The following LAMC2 variants were observed in gnomAD, a reference collection of about 807,000 sequenced individuals.
LAMC2 encodes the protein laminin subunit gamma 2, also known as laminin subunit gamma-2.
LAMC2 carries 97 observed loss-of-function variants against 140.2 expected under a neutral mutation model. The observed-to-expected ratio is 0.69, with a 90% CI of 0.59 to 0.82. The LOEUF (loss-of-function observed/expected upper bound fraction) is 0.82, where lower values mean the gene tolerates loss of function less well. Ranked by LOEUF, LAMC2 falls within the 40% of genes least tolerant of loss-of-function variation. The probability of loss-of-function intolerance (pLI) is 0.00; values close to 1 mark genes in which losing one functional copy is unlikely to be tolerated. For synonymous variants in LAMC2, 513 were observed against 540.2 expected, an observed-to-expected ratio of 0.95 and a Z score of 0.70; for missense variants, 1,402 against 1,476.1, an observed-to-expected ratio of 0.95 and a Z score of 0.82.
intron 1 of LAMC2, among the ~76,000 whole-genome samples, chr1:183,207,065 A>G (rs962485602): frequency 1.3e-5 from 2 of 152,238 alleles, no homozygotes; most frequent in Non-Finnish European, 2.9e-5. Flanking sequence ...AAGAAAAAAC[A>G]AGATTCAGAA....
intron 2 of LAMC2, among the ~76,000 whole-genome samples, chr1:183,212,774 C>T (rs1388949388): frequency 1.3e-5 from 2 of 152,186 alleles, no homozygotes; most frequent in African/African-American, 4.8e-5. Context: ...GATAATTCAA[C>T]CTGAGGTCTT....
At chr1:183,207,502 A>T (rs1658924955) in intron 1 of LAMC2, among the ~76,000 whole-genome samples, 1 of 152,168 alleles carries the variant, frequency 6.6e-6, no homozygotes, top group South Asian at 2.1e-4. Flanking sequence ...GTGAGCCCAC[A>T]CACTTGCTCT....
chr1:183,239,324 C>T (rs746053262), intron 19 of LAMC2, 40 bp from the exon 20 acceptor site: 98 of 1,586,640 alleles, frequency 6.2e-5, no homozygotes, highest in Non-Finnish European at 8.3e-5. Flanking sequence ...TGTAAATTTG[C>T]TTTCATCTTC....
At chr1:183,194,487 G>A (rs756899780) in intron 1 of LAMC2, among the ~76,000 whole-genome samples, 9 of 152,058 alleles carry the variant, frequency 5.9e-5, no homozygotes, top group Non-Finnish European at 1.3e-4. Context: ...CACAAAAGCA[G>A]TAAGGATTTA....
At position 183,235,657 on chromosome 1, in the gene LAMC2, A is replaced by G; in HGVS notation, c.2383A>G (p.Lys795Glu). The stretch of plus-strand genomic sequence containing the variant: ...CAAACAAGCCCTCTCACTGGTGCGC[A>G]AGGCCCTGCATGAAGGAGTCGGAAG... ...YSKQALSLVR[K>E]ALHEGVGSGS... The change falls in exon 16 of 23, where the codon AAG becomes GAG. Residue 795 changes from lysine (K) to glutamate (E), a missense_variant. Coordinates refer to ENST00000264144, the MANE Select transcript of LAMC2 (RefSeq NM_005562.3). The G allele has an allele frequency of 6.2e-7, 1 of 1,614,238 alleles. No homozygotes were observed. The highest frequency in any genetic ancestry group is 2.2e-5 in the East Asian group (1 of 44,888).
intron 1 of LAMC2, among the ~76,000 whole-genome samples, chr1:183,203,810 C>T (rs2102188427): frequency 6.6e-6 from 1 of 152,244 alleles, no homozygotes; most frequent in Middle Eastern, 3.4e-3. Flanking sequence ...ATTCCCCAGA[C>T]ATGAGGCCCA....
intron 7 of LAMC2, 109 bp from the exon 8 acceptor site, chr1:183,225,499 C>A: frequency 3.8e-6 from 3 of 799,292 alleles, no homozygotes; most frequent in Non-Finnish European, 6.6e-6. Context: ...CCCTTCTAAG[C>A]AGGACTGGGA....
chr1:183,222,586 TAAA>T, intron 6 of LAMC2, among the ~76,000 whole-genome samples: 1 of 147,448 alleles, frequency 6.8e-6, no homozygotes, highest in South Asian at 2.1e-4. Context: ...ACCTGTAAGT[TAAA>T]AAAAAAAAAA....
intron 3 of LAMC2, among the ~76,000 whole-genome samples, chr1:183,216,116 G>A (rs1659246218): frequency 1.3e-5 from 2 of 152,220 alleles, no homozygotes; most frequent in Admixed American, 1.3e-4. Flanking sequence ...GTGTTGGGAT[G>A]GCTTGGCAGG....
chr1:183,250,807 A>G, the LAMC2 span: 1 of 152,656 alleles, frequency 6.6e-6, no homozygotes. Context: ...CTGCTCTACC[A>G]TGTTCTTCTG....
chr1:183,245,993 C>T (rs1571546299), downstream of LAMC2, among the ~76,000 whole-genome samples: 1 of 152,064 alleles, frequency 6.6e-6, no homozygotes, highest in Non-Finnish European at 1.5e-5. Flanking sequence ...CATGGTGAAA[C>T]CCCGTCTCTA....
In LAMC2 at chr1:183,243,319, G is replaced by T; in HGVS notation, c.3501G>T (p.Leu1167=). Residue 1167 remains leucine (L), a synonymous_variant, in exon 23 of 23, where the codon CTG becomes CTT. Transcript: ENST00000264144. ...TGGAGACAAGCATAGATGGGATTCT[G>T]GCTGATGTGAAGAACTTGGAGAACA... ...HLLETSIDGI[L]ADVKNLENIR... is the part of the protein sequence containing the mutation. The T allele has an allele frequency of 6.2e-7, 1 of 1,614,160 alleles. No individual in the cohort carries two copies. The highest frequency in any genetic ancestry group is 1.6e-4 in the Middle Eastern group (1 of 6,062).
At chr1:183,223,429 C>A in intron 7 of LAMC2, 105 bp downstream of exon 7, 1 of 1,116,704 alleles carries the variant, frequency 9.0e-7, no homozygotes, top group Non-Finnish European at 1.3e-6. Context: ...ACAAGCCTTT[C>A]TGAGCACCTT....
chr1:183,190,529 G>A (rs495418), intron 1 of LAMC2, among the ~76,000 whole-genome samples: 47,456 of 151,502 alleles, frequency 0.31, 7,781 homozygotes, highest in East Asian at 0.44. Flanking sequence ...CACAGATTCA[G>A]CAAATCTATT....
In LAMC2 at chr1:183,186,393, T is replaced by A; in HGVS notation, c.41T>A (p.Leu14His). The change falls in exon 1 of 23, where the codon CTC (leucine) becomes CAC (histidine). Residue 14 changes from leucine to histidine, a missense_variant. Physicochemically the swap from Leu to His is moderately conservative, Grantham distance 99 (BLOSUM62 -3). This residue lies in a region of LAMC2 where 723 missense variants were observed against 783.3 expected (regional missense o/e 0.92). Transcript: ENST00000264144. ...LWLGCCLCFS[L>H]LLPAARATSR... ...CTGGGCTGCTGCCTCTGCTTCTCGC[T>A]CCTCCTGCCCGCAGCCCGGGCCACC... 2 of 1,605,920 alleles carry A rather than the reference T, an allele frequency of 1.2e-6. No individual in the cohort carries two copies. Among genetic ancestry groups the A allele is most frequent in the Non-Finnish European group, 1.7e-6 (2 of 1,179,664 alleles).
chr1:183,253,065 A>C, the LAMC2 span, among the ~76,000 whole-genome samples: 4 of 152,152 alleles, frequency 2.6e-5, no homozygotes, highest in Non-Finnish European at 2.9e-5. Flanking sequence ...ATGAGTCATT[A>C]TGCAAAGCAC....
rs1659157578 is a variant in LAMC2 at position 183,213,916 on chromosome 1, C to T, written c.269-1537C>T. ...CCCCGTCTCTACTAAAAATACAAAA[C>T]TAGCTGGGCGTGGTGGCGCATGCCT... On this transcript the variant is annotated intron_variant, in intron 2 of 22. Transcript: ENST00000264144. Among the ~76,000 whole-genome samples the T allele has an allele frequency of 2.0e-5, 3 of 151,308 alleles. No individual in the cohort carries two copies. In the South Asian group the frequency reaches 6.3e-4, roughly 32 times the overall value.
In LAMC2 at chr1:183,222,018, A is replaced by C. The variant is rs574725241; in HGVS notation, c.641-71A>C. 2,030 of 1,601,996 alleles carry C rather than the reference A, an allele frequency of 1.3e-3. 46 individuals carry two copies. In the South Asian group the frequency reaches 0.021, roughly 17 times the overall value. On this transcript the variant is annotated intron_variant, in intron 5 of 22. Coordinates refer to ENST00000264144, the MANE Select transcript of LAMC2 (RefSeq NM_005562.3). ...CACCACTAGGACTTGTCGGCAAGCA[A>C]ATCTTTCTTTGTTTAACTTAATAGA...
chr1:183,208,988 T>TTG (rs910024063), intron 2 of LAMC2, among the ~76,000 whole-genome samples: 26 of 151,834 alleles, frequency 1.7e-4, no homozygotes, highest in African/African-American at 6.0e-4. Flanking sequence ...TAGTTGTTTT[T>TTG]TTTTTTTTTT....
Sources: gnomAD v4.1 joint callset for allele counts (sites outside exome capture counted in the v4.1 genomes callset) on GRCh38, gnomAD v4.1.1 for gene constraint, gnomAD v4.1.1 regional missense constraint, MANE v1.5 for transcripts, NCBI Gene and HGNC (gene_info 2026-07-23, HGNC 2026-07-21) for gene names.